The following EBF1 variants were observed in gnomAD, a reference collection of about 807,000 sequenced individuals.
EBF1 encodes the protein EBF transcription factor 1.
In EBF1, 10 loss-of-function variants were observed where a neutral mutation model predicts 68.4. The observed-to-expected ratio is 0.15, with a 90% CI of 0.09 to 0.25. The LOEUF is 0.25. Among genes scored for constraint, EBF1 ranks in the 10% least tolerant of loss-of-function variants. The probability of loss-of-function intolerance (pLI) is 1.00; values close to 1 mark genes in which losing one functional copy is unlikely to be tolerated. For missense variants in EBF1, 509 were observed against 794.4 expected (o/e 0.64, Z 4.32); for synonymous variants, 298 against 299.8 (o/e 0.99, Z 0.06).
intron 6 of EBF1, among the ~76,000 whole-genome samples, chr5:158,858,494 G>A (rs1582637571): frequency 6.6e-6 from 1 of 152,174 alleles, no homozygotes; most frequent in Non-Finnish European, 1.5e-5. Flanking sequence ...CTCCTCCTTT[G>A]AAGCAGCAAA....
intron 6 of EBF1, among the ~76,000 whole-genome samples, chr5:158,881,404 G>A (rs1798877256): frequency 6.6e-6 from 1 of 152,122 alleles, no homozygotes; most frequent in Non-Finnish European, 1.5e-5. Context: ...CTCTTTTTTA[G>A]CAACGCAGTG....
At chr5:158,983,359 T>C (rs1758297555) in intron 6 of EBF1, 1 of 152,188 alleles carries the variant, frequency 6.6e-6, no homozygotes, top group African/African-American at 2.4e-5. Context: ...ACTGACTTGA[T>C]ATTTCCCATA....
At chr5:159,018,563 CAT>C (rs1333982078) in intron 6 of EBF1, among the ~76,000 whole-genome samples, 1 of 152,166 alleles carries the variant, frequency 6.6e-6, no homozygotes, top group Non-Finnish European at 1.5e-5. Flanking sequence ...TTCCAGCACA[CAT>C]AGTTGAAATC....
At chr5:158,712,446 G>A in intron 13 of EBF1, 113 bp from the exon 14 acceptor site, 1 of 1,200,338 alleles carries the variant, frequency 8.3e-7, no homozygotes, top group Non-Finnish European at 1.2e-6. Flanking sequence ...CAACCCAGAG[G>A]GAAGGGATTG....
At chr5:159,019,101 G>A (rs1766168062) in intron 6 of EBF1, 1 of 152,144 alleles carries the variant, frequency 6.6e-6, no homozygotes, top group Non-Finnish European at 1.5e-5. Flanking sequence ...CAAAAGTTCA[G>A]AAGACACCCA....
chr5:159,058,850 C>T (rs1185603685), intron 6 of EBF1, among the ~76,000 whole-genome samples: 1 of 152,142 alleles, frequency 6.6e-6, no homozygotes, highest in Non-Finnish European at 1.5e-5. Flanking sequence ...TCCATAAGGC[C>T]ATTCATGTCA....
At chr5:158,969,912 GAAAGAAA>G (rs1180323892) in intron 6 of EBF1, among the ~76,000 whole-genome samples, 2,615 of 92,234 alleles carry the variant, frequency 0.028, 123 homozygotes, top group African/African-American at 0.043. Context: ...AAGAAAGAAA[GAAAGAAA>G]AAAAAAAAAA....
intron 6 of EBF1, among the ~76,000 whole-genome samples, chr5:158,940,813 G>C (rs1313190005): frequency 1.6e-5 from 2 of 124,146 alleles, no homozygotes; most frequent in Admixed American, 1.1e-4. Context: ...CCAATGGAAA[G>C]TGAATCCCCA....
At chr5:158,971,592 C>T (rs1755665564) in intron 6 of EBF1, among the ~76,000 whole-genome samples, 1 of 152,006 alleles carries the variant, frequency 6.6e-6, no homozygotes, top group Non-Finnish European at 1.5e-5. Flanking sequence ...GAGTGTTTGC[C>T]CCAAGATACT....
At chr5:158,719,071 C>T (rs996148972) in intron 11 of EBF1, among the ~76,000 whole-genome samples, 1 of 152,160 alleles carries the variant, frequency 6.6e-6, no homozygotes, top group African/African-American at 2.4e-5. Context: ...GATGAAATGA[C>T]AAAGTCATAT....
chr5:159,095,363 G>A (rs533619923), intron 4 of EBF1, among the ~76,000 whole-genome samples: 7 of 152,152 alleles, frequency 4.6e-5, no homozygotes, highest in Non-Finnish European at 8.8e-5. Flanking sequence ...CCTTTTTCTC[G>A]CCACTCAGCA....
chr5:158,760,692 C>T (rs923654656), intron 10 of EBF1, among the ~76,000 whole-genome samples: 1 of 152,080 alleles, frequency 6.6e-6, no homozygotes, highest in African/African-American at 2.4e-5. Context: ...ATCTCAGGTG[C>T]GATCTTATAC....
At chr5:158,855,512 C>T (rs1352332116) in intron 6 of EBF1, among the ~76,000 whole-genome samples, 1 of 152,164 alleles carries the variant, frequency 6.6e-6, no homozygotes, top group African/African-American at 2.4e-5. Context: ...CAAGCTCTTC[C>T]CCACCCTGGG....
intron 6 of EBF1, among the ~76,000 whole-genome samples, chr5:158,857,953 A>G (rs1305184799): frequency 6.6e-6 from 1 of 152,140 alleles, no homozygotes; most frequent in African/African-American, 2.4e-5. Flanking sequence ...CCTTAACACA[A>G]CTTTTTTTTC....
At chr5:159,031,497 G>A (rs1768859852) in intron 6 of EBF1, among the ~76,000 whole-genome samples, 1 of 152,124 alleles carries the variant, frequency 6.6e-6, no homozygotes. Flanking sequence ...GTATTTACTA[G>A]CAGTCCCAAA....
intron 8 of EBF1, among the ~76,000 whole-genome samples, chr5:158,802,588 C>T (rs1780808379): frequency 1.3e-5 from 2 of 152,128 alleles, no homozygotes; most frequent in South Asian, 4.1e-4. Context: ...CCTTTACTGG[C>T]TTCTGAGTAA....
At chr5:158,954,749 T>C (rs991799299) in intron 6 of EBF1, among the ~76,000 whole-genome samples, 1 of 152,190 alleles carries the variant, frequency 6.6e-6, no homozygotes, top group East Asian at 1.9e-4. Flanking sequence ...AACATATTTA[T>C]CTCGCTGAGG....
intron 10 of EBF1, among the ~76,000 whole-genome samples, chr5:158,764,777 C>A (rs770024844): frequency 6.6e-5 from 10 of 152,042 alleles, no homozygotes; most frequent in Non-Finnish European, 1.0e-4. Flanking sequence ...TGGGATAAGT[C>A]CATTTGGTAG....
At chr5:159,032,171 T>A (rs1039874119) in intron 6 of EBF1, among the ~76,000 whole-genome samples, 5 of 152,186 alleles carry the variant, frequency 3.3e-5, no homozygotes, top group African/African-American at 1.2e-4. Flanking sequence ...CAACTACCAC[T>A]TATTTATACA....
Sources: gnomAD v4.1 joint callset for allele counts (sites outside exome capture counted in the v4.1 genomes callset) on GRCh38, gnomAD v4.1.1 for gene constraint, MANE v1.5 for transcripts, NCBI Gene and HGNC (gene_info 2026-07-23, HGNC 2026-07-21) for gene names.